Variants in ANK3 observed in about 807,000 individuals in gnomAD.
The protein encoded by ANK3 is ankyrin-3.
In ANK3, 57 loss-of-function variants were observed where a neutral mutation model predicts 370.9. That is an observed-to-expected ratio of 0.15 (90% CI 0.12 to 0.19). The LOEUF is 0.19. Ranked by LOEUF, ANK3 falls within the 10% of genes least tolerant of loss-of-function variation. The probability of loss-of-function intolerance (pLI) is 1.00; values close to 1 mark genes in which losing one functional copy is unlikely to be tolerated. For missense variants in ANK3, 4,439 were observed against 5,302.1 expected (o/e 0.84, Z 5.06); for synonymous variants, 1,929 against 1,946.3 (o/e 0.99, Z 0.23).
chr10:60,700,056 C>T (rs1564582102), intron 1 of ANK3, among the ~76,000 whole-genome samples: 1 of 152,140 alleles, frequency 6.6e-6, no homozygotes, highest in African/African-American at 2.4e-5. Context: ...ATACCATCAC[C>T]TCTCTTTCCC....
In ANK3 at chr10:60,075,951, G is replaced by C; in HGVS notation, c.4930C>G (p.Pro1644Ala). The C allele has an allele frequency of 6.2e-7, 1 of 1,614,128 alleles. No individual in the cohort carries two copies. Among genetic ancestry groups the C allele is most frequent in the Non-Finnish European group, 8.5e-7 (1 of 1,180,002 alleles). ...TTAATGTTTGATTTGGGGGAGGCAGGGGGTGTCATAGTAATTGATGACCTC... is the reference window on the plus strand; with the variant it reads ...TTAATGTTTGATTTGGGGGAGGCAGCGGGTGTCATAGTAATTGATGACCTC... ...LERSSITMTP[P>A]ASPKSNINMY... Residue 1644 changes from proline (P) to alanine (A), a missense_variant, in exon 37 of 44, where the codon CCT becomes GCT. By Grantham distance (27) the Pro-to-Ala change is conservative. Around this residue, in one of 13 missense-constraint regions of ANK3, gnomAD observed 679 missense variants for 791.0 expected, o/e 0.86. Coordinates refer to ENST00000280772, the MANE Select transcript of ANK3 (RefSeq NM_020987.5).
At chr10:60,301,313 CAT>C (rs765393484) in intron 1 of ANK3, among the ~76,000 whole-genome samples, 2 of 148,516 alleles carry the variant, frequency 1.3e-5, no homozygotes, top group African/African-American at 2.5e-5. Flanking sequence ...TATATACACA[CAT>C]ACACACACGT....
In ANK3 at chr10:60,672,825, C is replaced by A. The variant is rs1252551076; in HGVS notation, c.58-57601G>T. 3.3e-5 allele frequency among the ~76,000 whole-genome samples: 5 copies of A among 152,196 alleles called. No individual in the cohort carries two copies. In the East Asian group the frequency reaches 9.7e-4, roughly 29 times the overall value. ...CAGTCTTGTGAGACCTTGCACTTAA[C>A]CTGGAAAAGCTGACTCTACTCGAGG... is the stretch of plus-strand genomic sequence containing the variant. On this transcript the variant is annotated intron_variant, in intron 1 of 43. Transcript: ENST00000373827.
chr10:60,655,616 G>T lies in ANK3; in HGVS notation c.58-40392C>A, dbSNP rs563852989. Reference sequence around the variant, plus strand: ...AAGTTTATAAAGTGAAAAATTTACAGTAAGCTAAGGTTAATTCATTATTAA... The same window carrying T: ...AAGTTTATAAAGTGAAAAATTTACATTAAGCTAAGGTTAATTCATTATTAA... On this transcript the variant is annotated intron_variant, in intron 1 of 43. Transcript: ENST00000373827. Among the ~76,000 whole-genome samples the T allele has an allele frequency of 4.1e-4, 62 of 151,860 alleles. 1 individual carries two copies. Among genetic ancestry groups the T allele is most frequent in the Non-Finnish European group, 1.0e-4 (7 of 67,954 alleles).
chr10:60,427,789 C>A (rs2132968554), intron 2 of ANK3, among the ~76,000 whole-genome samples: 2 of 152,198 alleles, frequency 1.3e-5, no homozygotes, highest in Admixed American at 1.3e-4. Context: ...AGAGTCAAAG[C>A]AATTTTCCCA....
chr10:60,066,181 C>G (rs1017027888), intron 38 of ANK3, among the ~76,000 whole-genome samples: 1 of 152,106 alleles, frequency 6.6e-6, no homozygotes, highest in African/African-American at 2.4e-5. Flanking sequence ...GCCCAATAAG[C>G]CTTCATGACA....
intron 2 of ANK3, among the ~76,000 whole-genome samples, chr10:60,477,320 A>T (rs1251867054): frequency 6.6e-6 from 1 of 152,120 alleles, no homozygotes; most frequent in Non-Finnish European, 1.5e-5. Flanking sequence ...AACTGGAACA[A>T]GATCTTGCAA....
intron 2 of ANK3, among the ~76,000 whole-genome samples, chr10:60,421,598 A>G (rs1161402176): frequency 6.6e-6 from 1 of 152,010 alleles, no homozygotes; most frequent in Non-Finnish European, 1.5e-5. Flanking sequence ...AGATAGTGGC[A>G]TGGTCTTGTG....
chr10:60,346,651 T>C (rs970319564), intron 1 of ANK3, among the ~76,000 whole-genome samples: 1 of 152,120 alleles, frequency 6.6e-6, no homozygotes, highest in African/African-American at 2.4e-5. Context: ...GCAATTACTG[T>C]TGATGTTTTA....
chr10:60,386,473 G>A (rs1404213206), intron 1 of ANK3, among the ~76,000 whole-genome samples: 1 of 149,932 alleles, frequency 6.7e-6, no homozygotes, highest in Non-Finnish European at 1.5e-5. Flanking sequence ...CTTAAGTTAT[G>A]TCAAGAATAA....
chr10:60,086,343 C>T (rs1415762609), intron 30 of ANK3, among the ~76,000 whole-genome samples: 1 of 152,150 alleles, frequency 6.6e-6, no homozygotes, highest in East Asian at 1.9e-4. Context: ...CTGTCTAGGT[C>T]ACCAAGAAAT....
chr10:60,412,037 C>A (rs964190087), intron 2 of ANK3, among the ~76,000 whole-genome samples: 1 of 151,998 alleles, frequency 6.6e-6, no homozygotes, highest in Non-Finnish European at 1.5e-5. Context: ...AGTAAAGAGC[C>A]ATAAAAGTGG....
chr10:60,206,976 G>A (rs1415162184), intron 10 of ANK3, among the ~76,000 whole-genome samples: 1 of 152,152 alleles, frequency 6.6e-6, no homozygotes, highest in African/African-American at 2.4e-5. Context: ...AGAGTCAGAG[G>A]AAAATGAGAG....
intron 1 of ANK3, among the ~76,000 whole-genome samples, chr10:60,378,073 TCA>T (rs2061046677): frequency 6.6e-6 from 1 of 152,178 alleles, no homozygotes; most frequent in African/African-American, 2.4e-5. Flanking sequence ...AACTTTTTAT[TCA>T]TTGCTTCTAT....
At chr10:60,106,237 A>G (rs1437630574) in intron 27 of ANK3, among the ~76,000 whole-genome samples, 178 bp from the exon 28 acceptor site, 1 of 152,212 alleles carries the variant, frequency 6.6e-6, no homozygotes, top group Non-Finnish European at 1.5e-5. Context: ...GCCTGAAAAC[A>G]TGCCATCATT....
At chr10:60,359,642 A>G (rs2058306371) in intron 1 of ANK3, among the ~76,000 whole-genome samples, 2 of 152,208 alleles carry the variant, frequency 1.3e-5, no homozygotes, top group African/African-American at 4.8e-5. Context: ...CCCTTTAAAA[A>G]CAAAGCTATT....
At chr10:60,280,265 C>T in intron 1 of ANK3, among the ~76,000 whole-genome samples, 1 of 151,998 alleles carries the variant, frequency 6.6e-6, no homozygotes, top group Non-Finnish European at 1.5e-5. Flanking sequence ...TCACTATGTT[C>T]CCAGGCTGGT....
At chr10:60,224,880 A>G (rs1455866388) in intron 8 of ANK3, among the ~76,000 whole-genome samples, 1 of 151,876 alleles carries the variant, frequency 6.6e-6, no homozygotes, top group Non-Finnish European at 1.5e-5. Context: ...TCTAATAGCT[A>G]AGCTCTTTTC....
intron 1 of ANK3, among the ~76,000 whole-genome samples, chr10:60,656,987 G>C (rs1222681610): frequency 6.6e-6 from 1 of 151,998 alleles, no homozygotes; most frequent in African/African-American, 2.4e-5. Flanking sequence ...TCATGCTACT[G>C]ATAAAGACAT....
Sources: allele counts gnomAD v4.1 joint callset (sites outside exome capture counted in the v4.1 genomes callset), GRCh38; gene constraint gnomAD v4.1.1; regional missense constraint gnomAD v4.1.1; transcripts MANE v1.5; gene names NCBI Gene and HGNC (gene_info 2026-07-23, HGNC 2026-07-21).